PAX6: variants seen among roughly 807,000 people sequenced by gnomAD.
PAX6 encodes the protein paired box 6.
PAX6 carries 7 observed loss-of-function variants against 60.7 expected under a neutral mutation model. The observed-to-expected ratio is 0.12, with a 90% confidence interval of 0.07 to 0.22. The LOEUF (loss-of-function observed/expected upper bound fraction) is 0.22, where lower values mean the gene tolerates loss of function less well. Among genes scored for constraint, PAX6 ranks in the 10% least tolerant of loss-of-function variants. PAX6 has a pLI of 1.00. For missense variants in PAX6, 355 were observed against 555.2 expected (o/e 0.64, Z 3.62); for synonymous variants, 208 against 201.2 (o/e 1.03, Z -0.29).
In PAX6 at chr11:31,789,618, C is replaced by A; in HGVS notation, c.*316G>T. The A allele has an allele frequency of 9.1e-6, 6 of 656,862 alleles. No homozygotes were observed. The highest frequency in any genetic ancestry group is 5.5e-5 in the East Asian group (2 of 36,334). The allele number at this position is 656,862 out of a possible 1,614,324, so 40.7% of individuals were successfully genotyped here. On this transcript the variant is annotated 3_prime_UTR_variant, in exon 14 of 14. Coordinates refer to ENST00000640368, the MANE Select transcript of PAX6 (RefSeq NM_001368894.2). ...AACTTCATGACCAACACAGATCAAACATCCATCCAGTCTACATTGTTCTTT... is the reference window on the plus strand; with the variant it reads ...AACTTCATGACCAACACAGATCAAAAATCCATCCAGTCTACATTGTTCTTT...
intron 7 of PAX6, 91 bp from the exon 8 acceptor site, chr11:31,800,947 T>C (rs1953619804): frequency 5.1e-6 from 7 of 1,371,480 alleles, no homozygotes; most frequent in Non-Finnish European, 7.2e-6. Flanking sequence ...AAAAAGCAAC[T>C]CTCAACCCGT....
chr11:31,793,226 T>C (rs1306471217), intron 12 of PAX6: 1 of 693,988 alleles, frequency 1.4e-6, no homozygotes, highest in South Asian at 1.5e-5. Flanking sequence ...ACTGGACAGA[T>C]TTTTATTACT....
At chr11:31,808,223 G>C (rs1956296750) in intron 2 of PAX6, 1 of 152,108 alleles carries the variant, frequency 6.6e-6, no homozygotes, top group East Asian at 1.9e-4. Flanking sequence ...AGAATTTCAA[G>C]AAGCACATTT....
Position 31,801,756 on chromosome 11 carries a change from A to G in PAX6, c.204T>C (p.Ser68=). ...DNQNVSNGCV[S]KILGRYYETG... ...TCTCGTAATACCTGCCCAGAATTTT[A>G]CTCACACATCCGTTGGACACCTGCA... Residue 68 remains serine (S), a synonymous_variant, in exon 7 of 14, where the codon AGT becomes AGC. Coordinates refer to ENST00000640368, the MANE Select transcript of PAX6 (RefSeq NM_001368894.2). The G allele has an allele frequency of 1.2e-6, 2 of 1,614,156 alleles. No homozygotes were observed. The highest frequency in any genetic ancestry group is 1.7e-6 in the Non-Finnish European group (2 of 1,180,020).
chr11:31,790,571 C>G, intron 13 of PAX6, 139 bp downstream of exon 13: 1 of 1,534,640 alleles, frequency 6.5e-7, no homozygotes, highest in Non-Finnish European at 8.9e-7. Context: ...CTGAATTTCC[C>G]TTTTCAATCC....
At chr11:31,817,772 C>G (rs1466677054) in intron 1 of PAX6, 2 of 152,318 alleles carry the variant, frequency 1.3e-5, no homozygotes, top group African/African-American at 4.8e-5. Context: ...GCCCCGCGGG[C>G]CCCGAGCCGG....
At chr11:31,796,120 C>A (rs923395499) in intron 8 of PAX6, among the ~76,000 whole-genome samples, 1 of 152,188 alleles carries the variant, frequency 6.6e-6, no homozygotes. Context: ...TTTAAACAGG[C>A]GGATTCATCG....
chr11:31,817,021 T>C (rs1957413457), intron 1 of PAX6, among the ~76,000 whole-genome samples: 1 of 152,218 alleles, frequency 6.6e-6, no homozygotes, highest in African/African-American at 2.4e-5. Context: ...GGGCCCCGGC[T>C]CTGGCCCTCC....
intron 8 of PAX6, among the ~76,000 whole-genome samples, chr11:31,796,399 C>G (rs1022670866): frequency 1.3e-5 from 2 of 151,772 alleles, no homozygotes; most frequent in African/African-American, 4.8e-5. Flanking sequence ...GTGTGTTAAC[C>G]CCTCTGCTCT....
At chr11:31,808,929 C>T (rs925954056) in intron 2 of PAX6, 2 of 152,250 alleles carry the variant, frequency 1.3e-5, no homozygotes, top group Non-Finnish European at 2.9e-5. Context: ...CTCGCTGGGG[C>T]CATAGAACCA....
At chr11:31,799,529 C>A (rs1188228664) in intron 8 of PAX6, among the ~76,000 whole-genome samples, 2 of 152,198 alleles carry the variant, frequency 1.3e-5, no homozygotes, top group Admixed American at 1.3e-4. Flanking sequence ...TTATTCATGT[C>A]GCCTTAATGA....
At chr11:31,801,944 G>A (rs1168828984) in intron 5 of PAX6, 32 bp from the exon 6 acceptor site, 6 of 1,572,210 alleles carry the variant, frequency 3.8e-6, no homozygotes, top group East Asian at 2.2e-5. Context: ...TCAATGGTAT[G>A]AGAACTTACT....
chr11:31,811,984 C>G (rs1016264623), upstream of PAX6: 8 of 152,314 alleles, frequency 5.3e-5, no homozygotes, highest in African/African-American at 1.9e-4. Flanking sequence ...ATCCTCCACC[C>G]CGCTCTCCCC....
chr11:31,799,387 C>CT (rs1952810096), intron 8 of PAX6, among the ~76,000 whole-genome samples: 1 of 152,158 alleles, frequency 6.6e-6, no homozygotes, highest in Admixed American at 6.5e-5. Context: ...GCTTTGCTCC[C>CT]TATCTTCCCA....
At chr11:31,806,523 C>T (rs1012679859) in intron 3 of PAX6, 61 bp from the exon 4 acceptor site, 1 of 1,322,232 alleles carries the variant, frequency 7.6e-7, no homozygotes, top group Admixed American at 2.0e-5. Flanking sequence ...CCTGAACTCC[C>T]AACCGAGGTG....
At position 31,793,744 on chromosome 11, in the gene PAX6, C is replaced by A; in HGVS notation, c.866G>T (p.Arg289Ile). Reference protein sequence around the residue: ...WRREEKLRNQRRQASNTPSHI... With the variant: ...WRREEKLRNQIRQASNTPSHI... ...ACTAGGTGTGTTGCTGGCCTGTCTT[C>A]TCTGATTCCTCAGTTTTTCTTCTCT... Residue 289 changes from arginine (R) to isoleucine (I), a missense_variant, in exon 11 of 14, where the codon AGA becomes ATA. By Grantham distance (97) the Arg-to-Ile change is moderately conservative. Transcript: ENST00000640368. 1 of 1,614,180 alleles carries A rather than the reference C, an allele frequency of 6.2e-7. No homozygotes were observed.
rs187998572 is a variant in PAX6, at chr11:31,800,266, C to T, written c.565+425G>A. Among the ~76,000 whole-genome samples the T allele has an allele frequency of 4.0e-3, 603 of 152,272 alleles. 13 individuals are homozygous for T. The highest frequency in any genetic ancestry group is 1.2e-3 in the East Asian group (6 of 5,174). On this transcript the variant is annotated intron_variant, in intron 8 of 13. Transcript: ENST00000640368. Reference sequence around the variant, plus strand: ...TTCATGTGCACCCTACTCATAGTCACATAATTTGTCAATTACAGCAAAAAG... The same window carrying T: ...TTCATGTGCACCCTACTCATAGTCATATAATTTGTCAATTACAGCAAAAAG...
chr11:31,817,598 G>A (rs1957438969), intron 1 of PAX6, among the ~76,000 whole-genome samples: 1 of 152,262 alleles, frequency 6.6e-6, no homozygotes. Context: ...TTTTGCAGAA[G>A]AGCACACTCG....
chr11:31,804,771 C>G (rs1305757718), intron 4 of PAX6: 5 of 152,274 alleles, frequency 3.3e-5, no homozygotes, highest in Non-Finnish European at 7.3e-5. Context: ...AATTCCCAGT[C>G]TGCTAATGCC....
Sources: allele counts gnomAD v4.1 joint callset (sites outside exome capture counted in the v4.1 genomes callset), GRCh38; gene constraint gnomAD v4.1.1; transcripts MANE v1.5; gene names NCBI Gene and HGNC (gene_info 2026-07-23, HGNC 2026-07-21).